The following FBXL13 variants were observed in gnomAD, a reference collection of about 807,000 sequenced individuals.
FBXL13 encodes the protein F-box and leucine rich repeat protein 13, also known as F-box and leucine-rich repeat protein 13.
FBXL13 carries 67 observed loss-of-function variants against 83.6 expected under a neutral mutation model. The ratio of observed to expected loss-of-function variants is 0.80; its 90% CI spans 0.66 to 0.98. The LOEUF (loss-of-function observed/expected upper bound fraction) is 0.98. Among genes scored for constraint, FBXL13 ranks in the 50% least tolerant of loss-of-function variants. The pLI is 0.00. For synonymous variants in FBXL13, 272 were observed against 299.5 expected, an observed-to-expected ratio of 0.91 and a Z score of 0.95; for missense variants, 822 against 866.5, an observed-to-expected ratio of 0.95 and a Z score of 0.64.
chr7:102,949,892 C>T (rs190192175), intron 8 of FBXL13, among the ~76,000 whole-genome samples: 175 of 152,010 alleles, frequency 1.2e-3, no homozygotes, highest in African/African-American at 4.0e-3. Flanking sequence ...GATCACTTGA[C>T]GTCGGGAGTT....
chr7:102,919,103 C>T (rs1206717869), intron 10 of FBXL13, among the ~76,000 whole-genome samples: 2 of 152,132 alleles, frequency 1.3e-5, no homozygotes, highest in African/African-American at 4.8e-5. Context: ...GCATCTCTTC[C>T]CAACTCCACA....
At chr7:102,902,182 T>G (rs1012695663) in intron 11 of FBXL13, among the ~76,000 whole-genome samples, 40 of 152,312 alleles carry the variant, frequency 2.6e-4, no homozygotes, top group Middle Eastern at 3.4e-3. Context: ...TCTCTGATGA[T>G]CAATAATGTT....
In FBXL13 at chr7:103,025,211, TG is replaced by T; in HGVS notation, c.346del (p.Gln116AsnfsTer2). The T allele has an allele frequency of 6.3e-7, 1 of 1,579,558 alleles. No individual in the cohort carries two copies. ...TAACCTATTTTTCCATTTTTTCAAT[TG>T]AAGTTCATGTTTTAATATCTGCAAT... On this transcript the variant is annotated frameshift_variant, in exon 6 of 20. Coordinates refer to ENST00000313221, the Ensembl canonical transcript of FBXL13. LOFTEE classifies it high-confidence loss of function.
chr7:102,829,375 T>C (rs1301327976), intron 18 of FBXL13, among the ~76,000 whole-genome samples: 2 of 152,238 alleles, frequency 1.3e-5, no homozygotes, highest in Non-Finnish European at 2.9e-5. Flanking sequence ...CCTACACTTG[T>C]AGGACAGAAA....
chr7:102,922,144 C>T (rs145788930), intron 10 of FBXL13, among the ~76,000 whole-genome samples: 84 of 150,716 alleles, frequency 5.6e-4, no homozygotes, highest in African/African-American at 1.9e-3. Flanking sequence ...GAGCTGAGGT[C>T]GTGCCACTGC....
intron 1 of FBXL13, among the ~76,000 whole-genome samples, chr7:103,065,567 C>T (rs1798316014): frequency 6.6e-6 from 1 of 152,090 alleles, no homozygotes. Flanking sequence ...TAAAGAGATT[C>T]TAATAAAGAA....
chr7:102,862,584 A>G (rs533340109), intron 16 of FBXL13, among the ~76,000 whole-genome samples: 1 of 152,322 alleles, frequency 6.6e-6, no homozygotes, highest in African/African-American at 2.4e-5. Flanking sequence ...TCTATTCTAA[A>G]CAAACCATCA....
intron 2 of FBXL13, among the ~76,000 whole-genome samples, chr7:103,034,289 G>A (rs987831898): frequency 3.3e-5 from 5 of 152,174 alleles, no homozygotes; most frequent in South Asian, 2.1e-4. Flanking sequence ...ACCGTGGAGC[G>A]GGGGGCGGCG....
chr7:102,862,850 C>T (rs1471124086), intron 16 of FBXL13, among the ~76,000 whole-genome samples: 1 of 152,180 alleles, frequency 6.6e-6, no homozygotes, highest in African/African-American at 2.4e-5. Flanking sequence ...TTTCAGTTTC[C>T]TTTGTAGGTT....
chr7:103,042,553 A>G (rs1030809438), intron 2 of FBXL13, among the ~76,000 whole-genome samples: 3 of 151,850 alleles, frequency 2.0e-5, no homozygotes, highest in Admixed American at 2.0e-4. Flanking sequence ...TGGAGGCATC[A>G]TGGAGACTTC....
rs1462533735 is a variant in FBXL13 at position 103,028,618 on chromosome 7, G to A, written c.199C>T (p.Gln67Ter). ...AATTTACTTTTAAGTTTTTCTTTCTGGTCTTCCATATAAGAGTGCCAGTGA... is the reference window on the plus strand; with the variant it reads ...AATTTACTTTTAAGTTTTTCTTTCTAGTCTTCCATATAAGAGTGCCAGTGA... Residue 67 changes from glutamine (Q) to a stop codon, truncating the protein, a stop_gained, in exon 4 of 20, where the codon CAG becomes TAG. Transcript: ENST00000313221. LOFTEE classifies it high-confidence loss of function. 4 of 1,573,712 alleles carry A rather than the reference G, an allele frequency of 2.5e-6. No homozygotes were observed. The highest frequency in any genetic ancestry group is 2.7e-5 in the African/African-American group (2 of 72,856).
At chr7:102,882,069 T>C (rs1810171194) in intron 14 of FBXL13, among the ~76,000 whole-genome samples, 1 of 152,162 alleles carries the variant, frequency 6.6e-6, no homozygotes, top group African/African-American at 2.4e-5. Context: ...GAGACCTGCC[T>C]GGGCAATCTA....
intron 8 of FBXL13, among the ~76,000 whole-genome samples, chr7:102,956,543 G>A (rs1824302638): frequency 6.6e-6 from 1 of 152,058 alleles, no homozygotes; most frequent in Non-Finnish European, 1.5e-5. Context: ...GGGCAATCAG[G>A]CAAGAGAAAG....
chr7:103,022,003 T>A (rs1164800799), intron 6 of FBXL13, among the ~76,000 whole-genome samples: 1 of 152,202 alleles, frequency 6.6e-6, no homozygotes, highest in Admixed American at 6.5e-5. Context: ...GGATTATAAA[T>A]CATGCTGCTA....
Position 103,055,064 on chromosome 7 carries a change from G to A in FBXL13, c.-1+580C>T, listed in dbSNP as rs192106782. The stretch of plus-strand genomic sequence containing the variant: ...ATCGAAGTTTAAAATATATATTTGC[G>A]TATTCTTGATTACTAATAATTACCA... On this transcript the variant is annotated intron_variant, in intron 2 of 19. Transcript: ENST00000313221. The A allele has an allele frequency of 1.6e-3, 1,863 of 1,182,440 alleles. 24 individuals are homozygous for A. In the African/African-American group the frequency reaches 0.026, roughly 16 times the overall value. 73.2% of individuals were successfully genotyped at this position (1,182,440 alleles called of 1,614,324 possible).
chr7:102,818,647 AAAG>A (rs1001474410), intron 19 of FBXL13, among the ~76,000 whole-genome samples: 6 of 152,336 alleles, frequency 3.9e-5, no homozygotes, highest in African/African-American at 1.4e-4. Flanking sequence ...AGCAACTGCT[AAAG>A]AAGGCCTTCC....
At chr7:102,847,777 C>T (rs1028712125) in intron 17 of FBXL13, among the ~76,000 whole-genome samples, 2 of 152,132 alleles carry the variant, frequency 1.3e-5, no homozygotes, top group African/African-American at 4.8e-5. Context: ...AACCCACCCA[C>T]CTCGGCCTCC....
At chr7:102,868,894 C>T (rs930023231) in intron 16 of FBXL13, among the ~76,000 whole-genome samples, 6 of 152,246 alleles carry the variant, frequency 3.9e-5, no homozygotes, top group Non-Finnish European at 7.3e-5. Context: ...CCTTGAACTC[C>T]TGGCCTCAAG....
In FBXL13 at chr7:103,009,742, C is replaced by T. The variant is rs1791391361; in HGVS notation, c.495+15321G>A. Among the ~76,000 whole-genome samples, 3 of 152,352 alleles carry T rather than the reference C, an allele frequency of 2.0e-5. No homozygotes were observed. In the South Asian group the frequency reaches 6.2e-4, roughly 32 times the overall value. ...GGCTAGGCACCAGTTTCCAGCCCAG[C>T]AGTCCTGCTTCAGCCCTTAATGAGC... On this transcript the variant is annotated intron_variant, in intron 6 of 19. Coordinates refer to ENST00000313221, the Ensembl canonical transcript of FBXL13.
Sources: gnomAD v4.1 joint callset for allele counts (sites outside exome capture counted in the v4.1 genomes callset) on GRCh38, gnomAD v4.1.1 for gene constraint, MANE v1.5 for transcripts, NCBI Gene and HGNC (gene_info 2026-07-23, HGNC 2026-07-21) for gene names.